The following CYP4F12 variants were observed in gnomAD, a reference collection of about 807,000 sequenced individuals.
The protein encoded by CYP4F12 is cytochrome P450 family 4 subfamily F member 12.
CYP4F12 carries 60 observed loss-of-function variants against 56.5 expected under a neutral mutation model. The ratio of observed to expected loss-of-function variants is 1.06; its 90% CI spans 0.86 to 1.32. The LOEUF is 1.32. Ranked by LOEUF, CYP4F12 falls within the 40% of genes most tolerant of loss-of-function variation. CYP4F12 has a pLI of 0.00. For missense variants in CYP4F12, 711 were observed against 683.5 expected, an observed-to-expected ratio of 1.04 and a Z score of -0.45; for synonymous variants, 263 against 264.9, an observed-to-expected ratio of 0.99 and a Z score of 0.07.
chr19:15,678,468 C>A, intron 3 of CYP4F12, 63 bp downstream of exon 3: 2 of 1,596,544 alleles, frequency 1.3e-6, no homozygotes, highest in South Asian at 2.2e-5. Flanking sequence ...CTCTGCAGTA[C>A]CCACGTCCCT....
At chr19:15,693,102 G>A (rs1472722054) in intron 9 of CYP4F12, among the ~76,000 whole-genome samples, 2 of 151,992 alleles carry the variant, frequency 1.3e-5, no homozygotes, top group Non-Finnish European at 2.9e-5. Flanking sequence ...ATACAGAATA[G>A]TGTCTACAGT....
intron 12 of CYP4F12, 118 bp from the exon 13 acceptor site, chr19:15,696,790 T>C (rs1207677297): frequency 8.4e-6 from 11 of 1,311,992 alleles, no homozygotes; most frequent in Non-Finnish European, 1.1e-5. Context: ...CGCTTAGTCT[T>C]TCTCTCTCTC....
Position 15,678,290 on chromosome 19 carries a change from C to T in CYP4F12, c.228C>T (p.Asn76=). 1 of 1,614,172 alleles carries T rather than the reference C, an allele frequency of 6.2e-7. No individual in the cohort carries two copies. The highest frequency in any genetic ancestry group is 8.5e-7 in the Non-Finnish European group (1 of 1,180,016). Residue 76 remains asparagine, a synonymous_variant, in exon 3 of 13, where the codon AAC becomes AAT. Transcript: ENST00000550308. The stretch of plus-strand genomic sequence containing the variant: ...CTCCTACAGAGGAGGGCTTGAAGAA[C>T]TCGACCCAGATGTCGGCCACCTATT... The part of the protein sequence containing the change: ...LITPTEEGLK[N]STQMSATYSQ...
At chr19:15,675,256 T>C (rs74182259) in intron 2 of CYP4F12, among the ~76,000 whole-genome samples, 63,054 of 72,910 alleles carry the variant, frequency 0.86, 29,462 homozygotes, top group East Asian at 1. Context: ...ATGTGGCCTC[T>C]GTCTGCTCAC....
intron 5 of CYP4F12, chr19:15,681,756 C>T (rs12151032): frequency 0.27 from 40,813 of 152,200 alleles, 5,804 homozygotes; most frequent in African/African-American, 0.34. Context: ...TGGTGGCATA[C>T]GCAGCAAGGA....
In CYP4F12 at chr19:15,677,678, T is replaced by A. The variant is rs2007036786; in HGVS notation, c.199-583T>A. ...CTCACTCACTCATTCCTCTCCTCAC[T>A]CACTCATTCCTCTCCTCCCTCACTT... is the stretch of plus-strand genomic sequence containing the variant. On this transcript the variant is annotated intron_variant, in intron 2 of 12. Coordinates refer to ENST00000550308, the MANE Select transcript of CYP4F12 (RefSeq NM_023944.4). 4.4e-5 allele frequency among the ~76,000 whole-genome samples: 6 copies of A among 135,312 alleles called. 1 individual carries two copies. Among genetic ancestry groups the A allele is most frequent in the African/African-American group, 8.4e-5 (3 of 35,914 alleles). 88.8% of individuals were successfully genotyped at this position (135,312 alleles called of 152,430 possible). A position where few individuals can be genotyped will look rare whatever the true frequency, so the allele number is the denominator to read the frequency against.
rs1396440185 is a variant in CYP4F12, at chr19:15,673,703, C to A, written c.174C>A (p.Asn58Lys). ...GTTTCCCACAGCCCCCAAAACGGAA[C>A]TGGTTTTGGGGTCACCTGGGCCTGG... Reference protein sequence around the residue: ...LQCFPQPPKRNWFWGHLGLIT... With the variant: ...LQCFPQPPKRKWFWGHLGLIT... Residue 58 changes from asparagine to lysine, a missense_variant, in exon 2 of 13, where the codon AAC becomes AAA. By Grantham distance (94) the Asn-to-Lys change is moderately conservative. Coordinates refer to ENST00000550308, the MANE Select transcript of CYP4F12 (RefSeq NM_023944.4). 10 of 1,614,002 alleles carry A rather than the reference C, an allele frequency of 6.2e-6. No individual in the cohort carries two copies. In the African/African-American group the frequency reaches 1.2e-4, roughly 19 times the overall value.
At position 15,673,986 on chromosome 19, in the gene CYP4F12, TCTACCCACTCA is replaced by T. The variant is rs1568411721; in HGVS notation, c.198+262_198+272del. Among the ~76,000 whole-genome samples, 13 of 81,396 alleles carry T rather than the reference TCTACCCACTCA, an allele frequency of 1.6e-4. 4 individuals are homozygous for T. Among genetic ancestry groups the T allele is most frequent in the African/African-American group, 3.0e-4 (7 of 23,090 alleles). 53.4% of individuals were successfully genotyped at this position (81,396 alleles called of 152,430 possible). A position where few individuals can be genotyped will look rare whatever the true frequency, so the allele number is the denominator to read the frequency against. ...ATTCCTCTACCCACTCACTCATTCC[TCTACCCACTCA>T]CTCCTCTACCCACTCACTCACTCCT... On this transcript the variant is annotated intron_variant, in intron 2 of 12. Coordinates refer to ENST00000550308, the MANE Select transcript of CYP4F12 (RefSeq NM_023944.4).
intron 9 of CYP4F12, among the ~76,000 whole-genome samples, chr19:15,695,537 T>C (rs924665136): frequency 2.0e-5 from 3 of 152,268 alleles, no homozygotes; most frequent in African/African-American, 7.2e-5. Flanking sequence ...GACTCTCCTT[T>C]TTTCCCTTGC....
chr19:15,695,232 C>A (rs2144767667), intron 9 of CYP4F12, among the ~76,000 whole-genome samples: 1 of 151,766 alleles, frequency 6.6e-6, no homozygotes, highest in African/African-American at 2.4e-5. Flanking sequence ...AATCATCATT[C>A]TCAGTAAACT....
intron 3 of CYP4F12, among the ~76,000 whole-genome samples, chr19:15,679,073 CT>C (rs2007142021): frequency 6.6e-6 from 1 of 152,196 alleles, no homozygotes; most frequent in Non-Finnish European, 1.5e-5. Context: ...CCCTTGCTCT[CT>C]GCTCTTCTCA....
intron 1 of CYP4F12, 67 bp from the exon 2 acceptor site, chr19:15,673,461 CT>C: frequency 6.6e-7 from 1 of 1,522,192 alleles, no homozygotes; most frequent in East Asian, 2.2e-5. Context: ...GACTTCGCCC[CT>C]ATACACTGTC....
At chr19:15,689,809 G>C (rs1480430849) in intron 9 of CYP4F12, among the ~76,000 whole-genome samples, 1 of 151,360 alleles carries the variant, frequency 6.6e-6, no homozygotes, top group Non-Finnish European at 1.5e-5. Context: ...CCGCAACTTG[G>C]ATGGAGCTGG....
intron 1 of CYP4F12, 114 bp downstream of exon 1, chr19:15,673,249 A>G: frequency 1.7e-6 from 1 of 576,610 alleles, no homozygotes; most frequent in Non-Finnish European, 3.2e-6. Context: ...GTTTCCTGGT[A>G]ACTGGACTCC....
intron 9 of CYP4F12, among the ~76,000 whole-genome samples, chr19:15,691,935 T>A (rs1420610790): frequency 6.6e-6 from 1 of 152,114 alleles, no homozygotes; most frequent in African/African-American, 2.4e-5. Context: ...TGCCAGACTA[T>A]TTTTTCTTAC....
At position 15,697,097 on chromosome 19, in the gene CYP4F12, A is replaced by C. The variant is rs765121933; in HGVS notation, c.*12A>C. The C allele has an allele frequency of 1.1e-5, 17 of 1,603,722 alleles. No individual in the cohort carries two copies. Among genetic ancestry groups the C allele is most frequent in the Non-Finnish European group, 1.5e-5 (17 of 1,172,288 alleles). Reference sequence around the variant, plus strand: ...TAAGCTTGCAGTGACTTTCTGACCCATCCACCTGTTTTTTTGCAGATTGTC... The same window carrying C: ...TAAGCTTGCAGTGACTTTCTGACCCCTCCACCTGTTTTTTTGCAGATTGTC... On this transcript the variant is annotated 3_prime_UTR_variant, in exon 13 of 13. Coordinates refer to ENST00000550308, the MANE Select transcript of CYP4F12 (RefSeq NM_023944.4).
Position 15,682,516 on chromosome 19 carries a change from T to A in CYP4F12, c.647+6T>A. On this transcript the variant is annotated splice_donor_region_variant and intron_variant, in intron 6 of 12. Coordinates refer to ENST00000550308, the MANE Select transcript of CYP4F12 (RefSeq NM_023944.4). The stretch of plus-strand genomic sequence containing the variant: ...TTTGACAGCCATTGTCAGGAGTGAG[T>A]TCCTTCCTAGGGCCTGGGATATGAA... The A allele has an allele frequency of 6.2e-7, 1 of 1,612,592 alleles. No homozygotes were observed. Among genetic ancestry groups the A allele is most frequent in the East Asian group, 2.2e-5 (1 of 44,810 alleles).
At chr19:15,683,234 G>C (rs1409302658) in intron 6 of CYP4F12, among the ~76,000 whole-genome samples, 1 of 152,184 alleles carries the variant, frequency 6.6e-6, no homozygotes, top group African/African-American at 2.4e-5. Flanking sequence ...ATGGGAGACA[G>C]AGGAGAGAAG....
intron 12 of CYP4F12, 122 bp from the exon 13 acceptor site, chr19:15,696,786 G>C (rs1241549203): frequency 1.5e-6 from 2 of 1,341,780 alleles, no homozygotes; most frequent in Admixed American, 2.7e-5. Context: ...GGCACGCTTA[G>C]TCTTTCTCTC....
Sources: gnomAD v4.1 joint callset for allele counts (sites outside exome capture counted in the v4.1 genomes callset) on GRCh38, gnomAD v4.1.1 for gene constraint, MANE v1.5 for transcripts, NCBI Gene and HGNC (gene_info 2026-07-23, HGNC 2026-07-21) for gene names.